Variants in AGPAT5 observed in about 807,000 individuals in gnomAD.
The protein encoded by AGPAT5 is 1-acylglycerol-3-phosphate O-acyltransferase 5, also known as 1-acyl-sn-glycerol-3-phosphate acyltransferase epsilon.
Under a neutral mutation model 45.6 loss-of-function variants are expected in AGPAT5, and 46 were observed. The ratio of observed to expected loss-of-function variants is 1.01; its 90% CI spans 0.80 to 1.29. AGPAT5 has a LOEUF of 1.29. AGPAT5 is among the 50% of genes most tolerant of loss of function. The pLI, the probability that AGPAT5 is intolerant of heterozygous loss-of-function variation, is 0.00. For synonymous variants in AGPAT5, 272 were observed against 167.0 expected (o/e 1.63, Z -4.85); for missense variants, 673 against 450.7 (o/e 1.49, Z -4.47).
chr8:6,748,620 TC>T (rs1801557020), intron 6 of AGPAT5, among the ~76,000 whole-genome samples: 1 of 152,204 alleles, frequency 6.6e-6, no homozygotes, highest in Non-Finnish European at 1.5e-5. Context: ...TTCTCCTGCC[TC>T]AGCCTCCTGA....
At chr8:6,751,381 A>G (rs1456335245) in intron 6 of AGPAT5, among the ~76,000 whole-genome samples, 2 of 152,322 alleles carry the variant, frequency 1.3e-5, no homozygotes, top group South Asian at 2.1e-4. Flanking sequence ...ACTGTTTGTC[A>G]GAATTAGCTG....
At chr8:6,746,494 G>A (rs568622048) in intron 5 of AGPAT5, among the ~76,000 whole-genome samples, 34 of 152,290 alleles carry the variant, frequency 2.2e-4, no homozygotes, top group African/African-American at 8.2e-4. Flanking sequence ...TGAAACTTTG[G>A]ACTTCATAAA....
Position 6,708,906 on chromosome 8 carries a change from C to A in AGPAT5, c.219+19C>A. 2 of 1,591,006 alleles carry A rather than the reference C, an allele frequency of 1.3e-6. No individual in the cohort carries two copies. The highest frequency in any genetic ancestry group is 2.3e-5 in the East Asian group (1 of 43,816). On this transcript the variant is annotated intron_variant, in intron 1 of 7. Transcript: ENST00000285518. ...GGTCCAGGTGAGCCGCCTCCCGCTC[C>A]CGGGTCTCGGCGTCCACCCGAGCTC...
intron 1 of AGPAT5, among the ~76,000 whole-genome samples, chr8:6,716,563 G>A (rs116099742): frequency 0.012 from 1,798 of 152,108 alleles, 38 homozygotes; most frequent in African/African-American, 0.041. Context: ...GGCCAGGTGC[G>A]GAGGCTCACG....
chr8:6,756,707 T>G (rs572953481), intron 7 of AGPAT5, among the ~76,000 whole-genome samples: 19 of 152,122 alleles, frequency 1.2e-4, no homozygotes, highest in Non-Finnish European at 2.5e-4. Flanking sequence ...CATCCTTTGA[T>G]CTTGGTCTCT....
At chr8:6,757,003 G>A (rs1011802218) in intron 7 of AGPAT5, among the ~76,000 whole-genome samples, 160 bp from the exon 8 acceptor site, 1 of 152,318 alleles carries the variant, frequency 6.6e-6, no homozygotes, top group Non-Finnish European at 1.5e-5. Flanking sequence ...TAGAAGACTA[G>A]AAACTTCTAT....
At chr8:6,746,569 C>T (rs2116942626) in intron 5 of AGPAT5, among the ~76,000 whole-genome samples, 1 of 152,216 alleles carries the variant, frequency 6.6e-6, no homozygotes, top group African/African-American at 2.4e-5. Flanking sequence ...TAAATGCTTC[C>T]CAGCTTGGTG....
intron 6 of AGPAT5, among the ~76,000 whole-genome samples, chr8:6,754,234 G>A (rs1801751233): frequency 6.6e-6 from 1 of 152,160 alleles, no homozygotes; most frequent in Admixed American, 6.5e-5. Flanking sequence ...CTCATACCTT[G>A]TGCAATCGAG....
In AGPAT5 at chr8:6,742,483, A is replaced by G. The variant is rs1459250489; in HGVS notation, c.586+732A>G. ...GACTGTGATTTAGTGTGTGATCTCC[A>G]TATGTTGATAGTCACTCACTGAGCA... On this transcript the variant is annotated intron_variant, in intron 5 of 7. Transcript: ENST00000285518. Among the ~76,000 whole-genome samples the G allele has an allele frequency of 2.0e-5, 3 of 152,302 alleles. No homozygotes were observed. In the East Asian group the frequency reaches 5.8e-4, roughly 29 times the overall value.
At chr8:6,745,468 C>G (rs548915032) in intron 5 of AGPAT5, among the ~76,000 whole-genome samples, 1 of 152,172 alleles carries the variant, frequency 6.6e-6, no homozygotes, top group African/African-American at 2.4e-5. Flanking sequence ...TCCAAAGCAT[C>G]GTATCATTTG....
chr8:6,725,931 C>T (rs1319620039), intron 2 of AGPAT5, among the ~76,000 whole-genome samples: 1 of 151,940 alleles, frequency 6.6e-6, no homozygotes, highest in African/African-American at 2.4e-5. Context: ...CTGCTTATAC[C>T]ATAGATGAGG....
intron 6 of AGPAT5, among the ~76,000 whole-genome samples, chr8:6,750,005 T>A (rs1049116538): frequency 6.6e-6 from 1 of 152,218 alleles, no homozygotes; most frequent in African/African-American, 2.4e-5. Context: ...TGAGTCCTCC[T>A]GCACCCCATG....
chr8:6,752,094 T>C (rs1801675895), intron 6 of AGPAT5, among the ~76,000 whole-genome samples: 4 of 152,088 alleles, frequency 2.6e-5, no homozygotes, highest in Admixed American at 2.6e-4. Flanking sequence ...GGGGAATCAC[T>C]TGAATCCGGG....
intron 3 of AGPAT5, among the ~76,000 whole-genome samples, chr8:6,731,237 T>G (rs1346985786): frequency 6.6e-6 from 1 of 152,202 alleles, no homozygotes; most frequent in African/African-American, 2.4e-5. Flanking sequence ...GTTTAATAGT[T>G]TATTCTCAGT....
chr8:6,743,494 T>G (rs970820010), intron 5 of AGPAT5, among the ~76,000 whole-genome samples: 6 of 152,238 alleles, frequency 3.9e-5, no homozygotes, highest in Non-Finnish European at 7.3e-5. Flanking sequence ...TCAGTTTTTT[T>G]GCCTAAGTTT....
intron 1 of AGPAT5, among the ~76,000 whole-genome samples, chr8:6,721,930 C>T (rs902758096): frequency 1.3e-5 from 2 of 151,864 alleles, no homozygotes; most frequent in Non-Finnish European, 2.9e-5. Context: ...TGAAGCCAAG[C>T]GATTCTTCTG....
intron 5 of AGPAT5, among the ~76,000 whole-genome samples, chr8:6,745,013 C>G (rs1238539715): frequency 6.6e-6 from 1 of 152,234 alleles, no homozygotes; most frequent in Admixed American, 6.5e-5. Flanking sequence ...CTCCTTTTGA[C>G]TACCTCATGG....
At chr8:6,726,062 A>G (rs545945896) in intron 2 of AGPAT5, among the ~76,000 whole-genome samples, 1 of 152,366 alleles carries the variant, frequency 6.6e-6, no homozygotes, top group Non-Finnish European at 1.5e-5. Flanking sequence ...GATGTATCTG[A>G]GTATTTTCCC....
chr8:6,742,851 G>A (rs1801283924), intron 5 of AGPAT5, among the ~76,000 whole-genome samples: 2 of 152,226 alleles, frequency 1.3e-5, no homozygotes, highest in African/African-American at 2.4e-5. Context: ...GGGTTCAGTT[G>A]GTCTCCCCAT....
Sources: gnomAD v4.1 joint callset for allele counts (sites outside exome capture counted in the v4.1 genomes callset) on GRCh38, gnomAD v4.1.1 for gene constraint, MANE v1.5 for transcripts, NCBI Gene and HGNC (gene_info 2026-07-23, HGNC 2026-07-21) for gene names.